Variants in TNKS2 observed in about 807,000 individuals in gnomAD.
The protein encoded by TNKS2 is tankyrase 2, also known as poly [ADP-ribose] polymerase tankyrase-2.
A neutral mutation model predicts 137.6 loss-of-function variants in TNKS2; 72 were observed. The observed-to-expected ratio is 0.52, with a 90% CI of 0.43 to 0.64. TNKS2 has a LOEUF of 0.64. TNKS2 is among the 30% of genes least tolerant of loss of function. The pLI is 0.00. For missense variants in TNKS2, 1,049 were observed against 1,410.2 expected (o/e 0.74, Z 4.10); for synonymous variants, 516 against 512.1 (o/e 1.01, Z -0.10).
intron 25 of TNKS2, among the ~76,000 whole-genome samples, chr10:91,860,840 C>T (rs571318760): frequency 4.2e-4 from 64 of 152,214 alleles, no homozygotes; most frequent in Admixed American, 2.2e-3. Flanking sequence ...TATTTTAGAT[C>T]ATAAATTGGA....
intron 1 of TNKS2, among the ~76,000 whole-genome samples, chr10:91,799,459 G>A (rs1378174222): frequency 1.3e-5 from 2 of 152,152 alleles, no homozygotes; most frequent in Non-Finnish European, 2.9e-5. Flanking sequence ...AAGTTTGGGA[G>A]AACTGAAACC....
At chr10:91,799,842 T>G (rs1455662625) in intron 1 of TNKS2, among the ~76,000 whole-genome samples, 1 of 152,172 alleles carries the variant, frequency 6.6e-6, no homozygotes, top group Non-Finnish European at 1.5e-5. Context: ...ACAATCCTGG[T>G]TTTTTGTTTT....
In TNKS2 at chr10:91,849,543, C is replaced by T. The variant is rs200020202; in HGVS notation, c.2643C>T (p.Phe881=). The change falls in exon 20 of 27, where the codon TTC becomes TTT. Residue 881 remains phenylalanine, a synonymous_variant. Transcript: ENST00000371627. ...VPGVDFSITQ[F]VRNLGLEHLM... ...GAGTAGATTTTAGCATAACTCAATTCGTAAGGAATCTTGGACTTGAGCACC... is the reference window on the plus strand; with the variant it reads ...GAGTAGATTTTAGCATAACTCAATTTGTAAGGAATCTTGGACTTGAGCACC... 1.4e-5 allele frequency: 22 copies of T among 1,611,384 alleles called. No homozygotes were observed. The highest frequency in any genetic ancestry group is 1.2e-4 in the African/African-American group (9 of 74,844).
chr10:91,846,555 C>T (rs1417254), intron 18 of TNKS2, among the ~76,000 whole-genome samples: 50,099 of 152,068 alleles, frequency 0.33, 8,729 homozygotes, highest in South Asian at 0.53. Flanking sequence ...GCAGATGCCT[C>T]TCTTGCCTCT....
intron 17 of TNKS2, 59 bp downstream of exon 17, chr10:91,845,087 T>G: frequency 9.4e-7 from 1 of 1,067,636 alleles, no homozygotes; most frequent in South Asian, 1.3e-5. Flanking sequence ...AAGTCAGTAT[T>G]GCAGCTCAAA....
At chr10:91,819,452 C>G in intron 4 of TNKS2, 30 bp from the exon 5 acceptor site, 1 of 1,533,694 alleles carries the variant, frequency 6.5e-7, no homozygotes. Context: ...ATGAAGAATG[C>G]AAATTACTAA....
chr10:91,808,385 T>C (rs924200807), intron 1 of TNKS2, among the ~76,000 whole-genome samples: 2 of 152,018 alleles, frequency 1.3e-5, no homozygotes, highest in Non-Finnish European at 2.9e-5. Context: ...GAAATGAAAT[T>C]AGAGAAGAAG....
intron 1 of TNKS2, among the ~76,000 whole-genome samples, chr10:91,810,189 A>G (rs1318985651): frequency 1.3e-5 from 2 of 152,126 alleles, no homozygotes; most frequent in Admixed American, 1.3e-4. Context: ...CAGCCTGGCC[A>G]ACATGGCAAT....
At chr10:91,834,533 A>G (rs747918076) in intron 12 of TNKS2, among the ~76,000 whole-genome samples, 1 of 152,252 alleles carries the variant, frequency 6.6e-6, no homozygotes, top group East Asian at 1.9e-4. Context: ...ATTTTTGTCT[A>G]CATCTCTACT....
chr10:91,831,293 T>C, intron 11 of TNKS2, 112 bp downstream of exon 11: 3 of 987,636 alleles, frequency 3.0e-6, no homozygotes, highest in Non-Finnish European at 4.6e-6. Flanking sequence ...TACTTTTTTT[T>C]CCTTATAATC....
intron 22 of TNKS2, among the ~76,000 whole-genome samples, 191 bp downstream of exon 22, chr10:91,855,317 A>C (rs1589694400): frequency 6.6e-6 from 1 of 152,020 alleles, no homozygotes; most frequent in South Asian, 2.1e-4. Flanking sequence ...TATAAGACTC[A>C]TATTCTTTGT....
rs892028938 is a variant in TNKS2 at position 91,864,243 on chromosome 10, G to A, written c.*1244G>A. On this transcript the variant is annotated 3_prime_UTR_variant, in exon 27 of 27. Coordinates refer to ENST00000371627, the MANE Select transcript of TNKS2 (RefSeq NM_025235.4). ...AATTGGAAATATGCTGTCAGTTTGT[G>A]CACCATATGGTGACCACGCCTGTGC... 6.6e-6 allele frequency: 1 copy of A among 152,538 alleles called. No homozygotes were observed. The highest frequency in any genetic ancestry group is 2.4e-5 in the African/African-American group (1 of 41,402). The allele number at this position is 152,538 out of a possible 1,614,324, so 9.4% of individuals were successfully genotyped here. A position where few individuals can be genotyped will look rare whatever the true frequency, so the allele number is the denominator to read the frequency against.
intron 2 of TNKS2, among the ~76,000 whole-genome samples, chr10:91,814,734 A>T (rs1046755010): frequency 7.9e-5 from 12 of 152,202 alleles, no homozygotes; most frequent in Non-Finnish European, 1.5e-4. Context: ...TTTGTAGCCT[A>T]GGAGGAGTAG....
rs920895172 is a variant in TNKS2, at chr10:91,862,119, A to G, written c.3402A>G (p.Leu1134=). 6.2e-7 allele frequency: 1 copy of G among 1,610,736 alleles called. No homozygotes were observed. Among genetic ancestry groups the G allele is most frequent in the Non-Finnish European group, 8.5e-7 (1 of 1,178,450 alleles). The change falls in exon 26 of 27, where the codon CTA becomes CTG. Residue 1134 remains leucine (L), a synonymous_variant. Coordinates refer to ENST00000371627, the MANE Select transcript of TNKS2 (RefSeq NM_025235.4). ...CTGGTAGGCCCAGTGTAAATGGCCT[A>G]GCATTAGCTGAATATGTTATTTACA... The part of the protein sequence containing the change: ...SVTGRPSVNG[L]ALAEYVIYRG...
At chr10:91,813,246 A>G (rs759017784) in intron 2 of TNKS2, 39 bp downstream of exon 2, 4 of 1,520,204 alleles carry the variant, frequency 2.6e-6, no homozygotes, top group Admixed American at 1.7e-5. Flanking sequence ...CTAATGTTGT[A>G]ACTATTCTGA....
In TNKS2 at chr10:91,840,726, A is replaced by G. The variant is rs1195880077; in HGVS notation, c.1673+20A>G. On this transcript the variant is annotated intron_variant, in intron 14 of 26. Transcript: ENST00000371627. ...TAAAGGGTAAATGCCAATGATTGTT[A>G]TGGACTCTCTTCCTTACTTTTACTT... 1.2e-6 allele frequency: 2 copies of G among 1,601,772 alleles called. No homozygotes were observed. Among genetic ancestry groups the G allele is most frequent in the Admixed American group, 1.7e-5 (1 of 58,154 alleles).
chr10:91,812,014 C>T (rs961816539), intron 1 of TNKS2, among the ~76,000 whole-genome samples: 10 of 149,708 alleles, frequency 6.7e-5, no homozygotes, highest in Middle Eastern at 3.2e-3. Context: ...GAGCCGAGAT[C>T]GTGCCACGCA....
chr10:91,810,920 CTTTTTTTTTTTTTT>C (rs35240102), intron 1 of TNKS2, among the ~76,000 whole-genome samples: 5 of 50,124 alleles, frequency 1.0e-4, no homozygotes, highest in Non-Finnish European at 1.3e-4. Context: ...CTTTTCTTTT[CTTTTTTTTTTTTTT>C]TTTTTTTTTG....
intron 13 of TNKS2, among the ~76,000 whole-genome samples, chr10:91,837,715 C>CTGGG (rs1172090472): frequency 1.3e-5 from 2 of 152,184 alleles, no homozygotes; most frequent in Non-Finnish European, 2.9e-5. Flanking sequence ...CAAAAATTAG[C>CTGGG]TGGGCGTAGT....
Sources: allele counts gnomAD v4.1 joint callset (sites outside exome capture counted in the v4.1 genomes callset), GRCh38; gene constraint gnomAD v4.1.1; transcripts MANE v1.5; gene names NCBI Gene and HGNC (gene_info 2026-07-23, HGNC 2026-07-21).